Variants in MUC17 observed in about 807,000 individuals in gnomAD.
The protein encoded by MUC17 is mucin 17, cell surface associated, also known as mucin-17.
MUC17 carries 190 observed loss-of-function variants against 170.3 expected under a neutral mutation model. The ratio of observed to expected loss-of-function variants is 1.12; its 90% CI spans 0.99 to 1.26. The LOEUF (loss-of-function observed/expected upper bound fraction) is 1.26, where lower values mean the gene tolerates loss of function less well. Among genes scored for constraint, MUC17 ranks in the 50% most tolerant of loss-of-function variants. The probability of loss-of-function intolerance (pLI) is 0.00; values close to 1 mark genes in which losing one functional copy is unlikely to be tolerated. For missense variants in MUC17, 6,415 were observed against 5,530.0 expected (o/e 1.16, Z -5.08); for synonymous variants, 2,325 against 2,002.5 (o/e 1.16, Z -4.30).
Position 101,034,123 on chromosome 7 carries a change from C to T in MUC17, c.2707C>T (p.Arg903Cys), listed in dbSNP as rs774347041. 8 of 1,573,574 alleles carry T rather than the reference C, an allele frequency of 5.1e-6. No homozygotes were observed. Among genetic ancestry groups the T allele is most frequent in the East Asian group, 2.4e-5 (1 of 41,194 alleles). ...STPVTNSTEA[R>C]SSPTTSEGTS... is the part of the protein sequence containing the mutation. ...ACCTGTGACCAATTCTACTGAAGCCCGTTCGTCTCCTACAACTTCTGAAGG... is the reference window on the plus strand; with the variant it reads ...ACCTGTGACCAATTCTACTGAAGCCTGTTCGTCTCCTACAACTTCTGAAGG... Residue 903 changes from arginine (R) to cysteine (C), a missense_variant, in exon 3 of 13, where the codon CGT becomes TGT. Physicochemically the swap from Arg to Cys is radical, Grantham distance 180. Coordinates refer to ENST00000306151, the MANE Select transcript of MUC17 (RefSeq NM_001040105.2).
intron 7 of MUC17, among the ~76,000 whole-genome samples, chr7:101,051,313 C>T (rs1044180399): frequency 8.9e-5 from 12 of 135,394 alleles, no homozygotes; most frequent in African/African-American, 2.8e-4. Flanking sequence ...TGCAGTGAGC[C>T]GAGATTGCAC....
In MUC17 at chr7:101,032,620, A is replaced by C. The variant is rs1031063324; in HGVS notation, c.1204A>C (p.Thr402Pro). 6.2e-7 allele frequency: 1 copy of C among 1,613,568 alleles called. No homozygotes were observed. Among genetic ancestry groups the C allele is most frequent in the Non-Finnish European group, 8.5e-7 (1 of 1,179,862 alleles). ...STPLTNMPVSTILVASSEAST... is the reference protein window; with the variant it reads ...STPLTNMPVSPILVASSEAST... The stretch of plus-strand genomic sequence containing the variant: ...TCCATTAACAAATATGCCTGTCAGC[A>C]CCATATTGGTGGCCAGTTCTGAGGC... The change falls in exon 3 of 13, where the codon ACC becomes CCC. Residue 402 changes from threonine (T) to proline (P), a missense_variant. Transcript: ENST00000306151.
chr7:101,054,476 G>C (rs1795013569), intron 11 of MUC17, among the ~76,000 whole-genome samples: 1 of 152,138 alleles, frequency 6.6e-6, no homozygotes, highest in Admixed American at 6.5e-5. Flanking sequence ...ATTCTAAAAA[G>C]GGGAAGATTA....
rs376563333 is a variant in MUC17, at chr7:101,048,835, C to A, written c.12536-10C>A. 2 of 1,613,810 alleles carry A rather than the reference C, an allele frequency of 1.2e-6. No homozygotes were observed. The highest frequency in any genetic ancestry group is 2.7e-5 in the African/African-American group (2 of 74,896). On this transcript the variant is annotated splice_polypyrimidine_tract_variant and intron_variant, in intron 4 of 12. Transcript: ENST00000306151. Reference sequence around the variant, plus strand: ...AGAGATGCTTTGCTCAGTAAGTCTACCCGCCTCAGGGCCACCGGAGACTAT... The same window carrying A: ...AGAGATGCTTTGCTCAGTAAGTCTAACCGCCTCAGGGCCACCGGAGACTAT...
chr7:101,051,572 C>T lies in MUC17; in HGVS notation c.12875-41C>T, dbSNP rs374976943. On this transcript the variant is annotated intron_variant, in intron 7 of 12. Coordinates refer to ENST00000306151, the MANE Select transcript of MUC17 (RefSeq NM_001040105.2). ...CAGCTCCCTGAGGACGCAGAACAAG[C>T]GTGTATGTGTCGTGAGGGGTTTTAT... 3.3e-5 allele frequency: 53 copies of T among 1,600,746 alleles called. No homozygotes were observed. The African/African-American group carries it at 3.5e-4, about 11-fold the overall frequency.
At position 101,042,624 on chromosome 7, in the gene MUC17, A is replaced by G. The variant is rs1423187149; in HGVS notation, c.11208A>G (p.Ala3736=). The change falls in exon 3 of 13, where the codon GCA becomes GCG. Residue 3736 remains alanine (A), a synonymous_variant. Transcript: ENST00000306151. ...TTSTEAISSS[A]TLDSTTMSVS... is the part of the protein sequence containing the mutation. ...CTACTGAAGCCATTTCATCTTCTGC[A>G]ACTCTTGACAGCACCACCATGTCTG... The G allele has an allele frequency of 6.2e-7, 1 of 1,613,986 alleles. No homozygotes were observed. Among genetic ancestry groups the G allele is most frequent in the African/African-American group, 1.3e-5 (1 of 74,924 alleles).
chr7:101,056,222 C>T lies in MUC17; in HGVS notation c.13392C>T (p.Ile4464=). 1 of 1,613,968 alleles carries T rather than the reference C, an allele frequency of 6.2e-7. No homozygotes were observed. Among genetic ancestry groups the T allele is most frequent in the Non-Finnish European group, 8.5e-7 (1 of 1,179,914 alleles). ...QDDDSIHLES[I]YSNFQPSLRH... is the part of the protein sequence containing the mutation. ...ATGATTCCATCCACCTGGAGTCCATCTATAGTAATTTCCAGCCCTCCTTGA... is the reference window on the plus strand; with the variant it reads ...ATGATTCCATCCACCTGGAGTCCATTTATAGTAATTTCCAGCCCTCCTTGA... The change falls in exon 12 of 13, where the codon ATC becomes ATT. Residue 4464 remains isoleucine (I), a synonymous_variant. Coordinates refer to ENST00000306151, the MANE Select transcript of MUC17 (RefSeq NM_001040105.2).
intron 1 of MUC17, among the ~76,000 whole-genome samples, chr7:101,021,815 C>T (rs1374060050): frequency 1.3e-5 from 2 of 152,150 alleles, no homozygotes; most frequent in African/African-American, 2.4e-5. Context: ...AGAGCCTCAC[C>T]CCTGCTGAAG....
chr7:101,056,378 T>G, intron 12 of MUC17, 108 bp downstream of exon 12: 8 of 1,505,186 alleles, frequency 5.3e-6, no homozygotes, highest in Admixed American at 2.1e-5. Context: ...GTTTACAGTT[T>G]ATTGGTCCAG....
Position 101,043,105 on chromosome 7 carries a change from A to T in MUC17, c.11689A>T (p.Thr3897Ser), listed in dbSNP as rs150037699. The T allele has an allele frequency of 9.3e-6, 15 of 1,614,106 alleles. No homozygotes were observed. In the Admixed American group the frequency reaches 2.5e-4, roughly 27 times the overall value. The change falls in exon 3 of 13, where the codon ACA (threonine) becomes TCA (serine). Residue 3897 changes from threonine (T) to serine (S), a missense_variant. Physicochemically the swap from Thr to Ser is moderately conservative, Grantham distance 58. Transcript: ENST00000306151. ...TSFPGASIAS[T>S]PPLDTSTTFT... ...CTTTCCTGGGGCCAGCATAGCTTCGACACCTCCTCTTGACACAAGCACAAC... is the reference window on the plus strand; with the variant it reads ...CTTTCCTGGGGCCAGCATAGCTTCGTCACCTCCTCTTGACACAAGCACAAC...
intron 3 of MUC17, among the ~76,000 whole-genome samples, chr7:101,045,914 C>T (rs1313873049): frequency 6.6e-6 from 1 of 152,178 alleles, no homozygotes; most frequent in African/African-American, 2.4e-5. Context: ...AGCAGATTGT[C>T]CTCCTTCTGT....
chr7:101,027,767 A>G (rs1007673430), intron 1 of MUC17, among the ~76,000 whole-genome samples: 2 of 141,330 alleles, frequency 1.4e-5, no homozygotes, highest in Non-Finnish European at 1.6e-5. Context: ...GATAATCTTT[A>G]AAAAAAAATT....
At position 101,024,379 on chromosome 7, in the gene MUC17, G is replaced by A. The variant is rs139156058; in HGVS notation, c.82+4162G>A. ...GGCATCACTGCACTCCAGCCTGGGC[G>A]ACAAAGTGAGACTCTATCTCAAAAA... is the stretch of plus-strand genomic sequence containing the variant. On this transcript the variant is annotated intron_variant, in intron 1 of 12. Transcript: ENST00000306151. 3.1e-3 allele frequency among the ~76,000 whole-genome samples: 473 copies of A among 150,412 alleles called. 5 individuals are homozygous for A. Among genetic ancestry groups the A allele is most frequent in the African/African-American group, 0.011 (432 of 40,810 alleles).
At position 101,042,336 on chromosome 7, in the gene MUC17, G is replaced by A. The variant is rs1319119149; in HGVS notation, c.10920G>A (p.Met3640Ile). The change falls in exon 3 of 13, where the codon ATG (methionine) becomes ATA (isoleucine). Residue 3640 changes from methionine to isoleucine, a missense_variant. Physicochemically the swap from Met to Ile is conservative, Grantham distance 10. Coordinates refer to ENST00000306151, the MANE Select transcript of MUC17 (RefSeq NM_001040105.2). ...AAGTAAGCACTCCATTAACCATTAT[G>A]CCTGTCAGCACCACATCGGTGACCA... ...PSEVSTPLTI[M>I]PVSTTSVTIS... The A allele has an allele frequency of 1.9e-6, 3 of 1,614,084 alleles. No individual in the cohort carries two copies. In the South Asian group the frequency reaches 3.3e-5, roughly 18 times the overall value.
intron 11 of MUC17, among the ~76,000 whole-genome samples, chr7:101,055,479 A>T (rs185534720): frequency 6.6e-6 from 1 of 152,376 alleles, no homozygotes; most frequent in Non-Finnish European, 1.5e-5. Flanking sequence ...TCTGTTAGAC[A>T]CAAGTTTAAT....
At position 101,051,618 on chromosome 7, in the gene MUC17, A is replaced by G; in HGVS notation, c.12880A>G (p.Met4294Val). 6.2e-7 allele frequency: 1 copy of G among 1,612,954 alleles called. No individual in the cohort carries two copies. The highest frequency in any genetic ancestry group is 1.1e-5 in the South Asian group (1 of 90,930). The change falls in exon 8 of 13, where the codon ATG (methionine) becomes GTG (valine). Residue 4294 changes from methionine to valine, a missense_variant. Transcript: ENST00000306151. Reference sequence around the variant, plus strand: ...TTTATGTGTCTCTTTCACAGACATGATGTGTTTCAACACCACTGGCACCCA... The same window carrying G: ...TTTATGTGTCTCTTTCACAGACATGGTGTGTTTCAACACCACTGGCACCCA... ...IMINDICSDM[M>V]CFNTTGTQVQ...
intron 12 of MUC17, 39 bp from the exon 13 acceptor site, chr7:101,057,964 A>G (rs776432021): frequency 7.5e-6 from 12 of 1,602,364 alleles, no homozygotes; most frequent in African/African-American, 1.3e-5. Flanking sequence ...CAAATTCCTC[A>G]TGGGCTGAGC....
At position 101,037,483 on chromosome 7, in the gene MUC17, A is replaced by T. The variant is rs776642401; in HGVS notation, c.6067A>T (p.Ser2023Cys). The change falls in exon 3 of 13, where the codon AGT becomes TGT. Residue 2023 changes from serine (S) to cysteine (C), a missense_variant. By Grantham distance (112) the Ser-to-Cys change is moderately radical. Transcript: ENST00000306151. ...STPATTSTEG[S>C]SSPTTAGGTS... ...TCCTGCCACCACTTCTACTGAAGGC[A>T]GTTCATCTCCTACAACTGCAGGAGG... The T allele has an allele frequency of 6.2e-7, 1 of 1,612,834 alleles. No individual in the cohort carries two copies. The highest frequency in any genetic ancestry group is 8.5e-7 in the Non-Finnish European group (1 of 1,179,358).
In MUC17 at chr7:101,042,789, C is replaced by A; in HGVS notation, c.11373C>A (p.Gly3791=). Residue 3791 remains glycine (G), a synonymous_variant, in exon 3 of 13, where the codon GGC becomes GGA. Transcript: ENST00000306151. The part of the protein sequence containing the change: ...TSMSMTTASE[G]SSSPTTLEGT... ...TGTCTATGACCACTGCCTCTGAAGG[C>A]AGTTCATCTCCTACAACTCTTGAAG... The A allele has an allele frequency of 6.2e-7, 1 of 1,614,136 alleles. No homozygotes were observed. Among genetic ancestry groups the A allele is most frequent in the Non-Finnish European group, 8.5e-7 (1 of 1,180,032 alleles).
Sources: allele counts gnomAD v4.1 joint callset (sites outside exome capture counted in the v4.1 genomes callset), GRCh38; gene constraint gnomAD v4.1.1; transcripts MANE v1.5; gene names NCBI Gene and HGNC (gene_info 2026-07-23, HGNC 2026-07-21).